Variants in VPS13B observed in about 807,000 individuals in gnomAD.
VPS13B encodes intermembrane lipid transfer protein VPS13B.
A neutral mutation model predicts 426.4 loss-of-function variants in VPS13B; 285 were observed. The ratio of observed to expected loss-of-function variants is 0.67; its 90% CI spans 0.61 to 0.74. The LOEUF (loss-of-function observed/expected upper bound fraction) is 0.74. Among genes scored for constraint, VPS13B ranks in the 30% least tolerant of loss-of-function variants. The pLI is 0.00. For synonymous variants in VPS13B, 1,676 were observed against 1,676.4 expected (o/e 1.00, Z 0.01); for missense variants, 4,537 against 4,782.6 (o/e 0.95, Z 1.51).
chr8:99,230,166 C>T (rs1435433785), intron 17 of VPS13B, among the ~76,000 whole-genome samples: 2 of 152,018 alleles, frequency 1.3e-5, no homozygotes, highest in Non-Finnish European at 2.9e-5. Context: ...ACTTATTATA[C>T]ATGTTGGGGT....
At chr8:99,169,814 G>A (rs2132662605) in intron 15 of VPS13B, among the ~76,000 whole-genome samples, 1 of 152,102 alleles carries the variant, frequency 6.6e-6, no homozygotes, top group African/African-American at 2.4e-5. Context: ...AAAGAGCAGT[G>A]ATCTTTCAGG....
At chr8:99,075,315 T>C (rs751577566) in intron 3 of VPS13B, among the ~76,000 whole-genome samples, 12 of 152,202 alleles carry the variant, frequency 7.9e-5, no homozygotes, top group Non-Finnish European at 7.3e-5. Context: ...AGGGAGCTTT[T>C]ACTCATAGCA....
At position 99,876,143 on chromosome 8, in the gene VPS13B, G is replaced by A. The variant is rs1358947934; in HGVS notation, c.*477G>A. On this transcript the variant is annotated 3_prime_UTR_variant, in exon 62 of 62. Transcript: ENST00000357162. ...ATAGAATGTGGCCAGGCCTTACAAT[G>A]GAGAGCCAGAGTTAAAACTTCAAGT... 3 of 171,814 alleles carry A rather than the reference G, an allele frequency of 1.7e-5. No individual in the cohort carries two copies. Among genetic ancestry groups the A allele is most frequent in the African/African-American group, 4.8e-5 (2 of 41,696 alleles). The allele number at this position is 171,814 out of a possible 1,614,324, so 10.6% of individuals were successfully genotyped here.
intron 51 of VPS13B, among the ~76,000 whole-genome samples, chr8:99,826,931 T>C (rs1814722888): frequency 6.6e-6 from 1 of 152,186 alleles, no homozygotes; most frequent in African/African-American, 2.4e-5. Context: ...GACTTGATCT[T>C]GGTGGTTAAG....
At chr8:99,568,292 TATTA>T (rs745851833) in intron 31 of VPS13B, among the ~76,000 whole-genome samples, 47 of 147,908 alleles carry the variant, frequency 3.2e-4, no homozygotes, top group African/African-American at 7.1e-4. Flanking sequence ...TTATTATTAT[TATTA>T]TTATTTTTTT....
At chr8:99,310,169 T>C (rs964355038) in intron 19 of VPS13B, among the ~76,000 whole-genome samples, 1 of 152,182 alleles carries the variant, frequency 6.6e-6, no homozygotes, top group Non-Finnish European at 1.5e-5. Context: ...TTGAATACCC[T>C]TTATTTCTTT....
At chr8:99,471,768 T>C (rs1003167873) in intron 24 of VPS13B, among the ~76,000 whole-genome samples, 3 of 152,144 alleles carry the variant, frequency 2.0e-5, no homozygotes, top group African/African-American at 7.2e-5. Context: ...ATATTGTCTA[T>C]GGTTTCTGCC....
chr8:99,792,398 A>T (rs1229055340), intron 43 of VPS13B, among the ~76,000 whole-genome samples: 1 of 152,090 alleles, frequency 6.6e-6, no homozygotes, highest in Non-Finnish European at 1.5e-5. Flanking sequence ...AGGTGAAGGG[A>T]TTTTACAGAT....
intron 33 of VPS13B, among the ~76,000 whole-genome samples, chr8:99,594,120 A>G (rs1826864403): frequency 6.8e-6 from 1 of 147,946 alleles, no homozygotes; most frequent in Non-Finnish European, 1.5e-5. Context: ...CAGGGGAGTT[A>G]AGAGAGAATG....
At chr8:99,627,394 C>T (rs1037798682) in intron 33 of VPS13B, among the ~76,000 whole-genome samples, 2 of 151,862 alleles carry the variant, frequency 1.3e-5, no homozygotes, top group African/African-American at 4.8e-5. Context: ...TTAATCATGC[C>T]ACATTTTATT....
intron 19 of VPS13B, among the ~76,000 whole-genome samples, chr8:99,366,548 A>G (rs1351341760): frequency 6.8e-6 from 1 of 146,002 alleles, no homozygotes; most frequent in Non-Finnish European, 1.5e-5. Context: ...TTTTTAATCC[A>G]TTCAGCCACT....
At chr8:99,029,995 T>A (rs1304701670) in intron 2 of VPS13B, among the ~76,000 whole-genome samples, 2 of 152,134 alleles carry the variant, frequency 1.3e-5, no homozygotes, top group Non-Finnish European at 2.9e-5. Context: ...TTGGGTTGAG[T>A]CTATTTGGGA....
chr8:99,136,478 G>C (rs1006851359), intron 11 of VPS13B, among the ~76,000 whole-genome samples, 187 bp from the exon 12 acceptor site: 1 of 151,970 alleles, frequency 6.6e-6, no homozygotes, highest in African/African-American at 2.4e-5. Flanking sequence ...TGTCTTTTTT[G>C]TGTGGTCTGT....
In VPS13B at chr8:99,054,440, G is replaced by C. The variant is rs564684068; in HGVS notation, c.291+15874G>C. ...TGTTTGAGTTTTAAGAGTTCCTTTTGTATTCAAGGTAGTAGAGTAGGTCCT... is the reference window on the plus strand; with the variant it reads ...TGTTTGAGTTTTAAGAGTTCCTTTTCTATTCAAGGTAGTAGAGTAGGTCCT... On this transcript the variant is annotated intron_variant, in intron 3 of 61. Coordinates refer to ENST00000357162, the MANE Select transcript of VPS13B (RefSeq NM_152564.5). Among the ~76,000 whole-genome samples, 5 of 152,248 alleles carry C rather than the reference G, an allele frequency of 3.3e-5. No homozygotes were observed. The South Asian group carries it at 1.0e-3, about 32-fold the overall frequency.
At chr8:99,276,452 G>T (rs1818899675) in intron 19 of VPS13B, among the ~76,000 whole-genome samples, 1 of 152,148 alleles carries the variant, frequency 6.6e-6, no homozygotes, top group African/African-American at 2.4e-5. Context: ...AATCTTTTAA[G>T]ACAGGGATTG....
chr8:99,167,250 C>A (rs1359047814), intron 15 of VPS13B, among the ~76,000 whole-genome samples: 3 of 152,044 alleles, frequency 2.0e-5, no homozygotes, highest in Non-Finnish European at 2.9e-5. Flanking sequence ...TTATGCTGTA[C>A]AACCCTAGTT....
At chr8:99,301,716 A>C (rs1292021993) in intron 19 of VPS13B, among the ~76,000 whole-genome samples, 4 of 152,228 alleles carry the variant, frequency 2.6e-5, no homozygotes, top group Non-Finnish European at 5.9e-5. Context: ...CAGAACTTAG[A>C]GTCCTTGTTT....
At chr8:99,280,101 TTC>T (rs1819096013) in intron 19 of VPS13B, among the ~76,000 whole-genome samples, 1 of 152,080 alleles carries the variant, frequency 6.6e-6, no homozygotes, top group Admixed American at 6.6e-5. Flanking sequence ...GTGTTAAGAG[TTC>T]TATTTACATG....
intron 35 of VPS13B, among the ~76,000 whole-genome samples, chr8:99,699,237 T>C (rs1048809620): frequency 6.8e-6 from 1 of 146,572 alleles, no homozygotes; most frequent in Non-Finnish European, 1.5e-5. Flanking sequence ...AGAGTGGAAA[T>C]TGACAGCCTT....
Sources: gnomAD v4.1 joint callset for allele counts (sites outside exome capture counted in the v4.1 genomes callset) on GRCh38, gnomAD v4.1.1 for gene constraint, MANE v1.5 for transcripts, NCBI Gene and HGNC (gene_info 2026-07-23, HGNC 2026-07-21) for gene names.